Variants in FRMD4A observed in about 807,000 individuals in gnomAD.
FRMD4A encodes FERM domain-containing protein 4A.
FRMD4A carries 29 observed loss-of-function variants against 129.1 expected under a neutral mutation model. That is an observed-to-expected ratio of 0.22 (90% CI 0.17 to 0.31). The LOEUF (loss-of-function observed/expected upper bound fraction) is 0.31. Ranked by LOEUF, FRMD4A falls within the 10% of genes least tolerant of loss-of-function variation. The probability of loss-of-function intolerance (pLI) is 1.00; values close to 1 mark genes in which losing one functional copy is unlikely to be tolerated. For missense variants in FRMD4A, 1,272 were observed against 1,375.8 expected (o/e 0.92, Z 1.19); for synonymous variants, 634 against 571.6 (o/e 1.11, Z -1.56).
intron 5 of FRMD4A, among the ~76,000 whole-genome samples, chr10:13,785,204 G>A (rs74917817): frequency 0.014 from 2,071 of 152,216 alleles, 48 homozygotes; most frequent in African/African-American, 0.043. Context: ...TACAATTCAA[G>A]TTTTTTTGAA....
chr10:14,185,530 T>C (rs961157254), intron 2 of FRMD4A, among the ~76,000 whole-genome samples: 3 of 152,192 alleles, frequency 2.0e-5, no homozygotes, highest in African/African-American at 4.8e-5. Flanking sequence ...GTTGTAGAAC[T>C]ATGGAAACTT....
At chr10:14,300,845 C>A (rs1037031245) in intron 2 of FRMD4A, among the ~76,000 whole-genome samples, 3 of 152,148 alleles carry the variant, frequency 2.0e-5, no homozygotes, top group African/African-American at 7.2e-5. Flanking sequence ...GAGATCTCAC[C>A]TTTTCCCTTT....
intron 2 of FRMD4A, among the ~76,000 whole-genome samples, chr10:14,041,767 A>T (rs1480907306): frequency 6.6e-6 from 1 of 152,256 alleles, no homozygotes; most frequent in Admixed American, 6.5e-5. Context: ...GTTCAACAGC[A>T]TGGATCAATC....
chr10:13,788,516 TCTC>T (rs762329298), intron 5 of FRMD4A, among the ~76,000 whole-genome samples: 20 of 152,298 alleles, frequency 1.3e-4, no homozygotes, highest in Admixed American at 3.3e-4. Context: ...ATGTCTGTCC[TCTC>T]CTCATCTGCT....
At chr10:14,321,942 A>C (rs1843073641) in intron 2 of FRMD4A, among the ~76,000 whole-genome samples, 1 of 151,998 alleles carries the variant, frequency 6.6e-6, no homozygotes, top group Non-Finnish European at 1.5e-5. Context: ...AGTGTGTAGC[A>C]CTTCCCCCTT....
intron 2 of FRMD4A, among the ~76,000 whole-genome samples, chr10:13,943,255 C>T (rs188112445): frequency 6.2e-4 from 95 of 152,174 alleles, no homozygotes; most frequent in African/African-American, 2.1e-3. Flanking sequence ...CCACCAGCAA[C>T]GGTGCAGTGA....
At chr10:14,034,350 G>A (rs1012054525) in intron 2 of FRMD4A, among the ~76,000 whole-genome samples, 2 of 152,224 alleles carry the variant, frequency 1.3e-5, no homozygotes, top group African/African-American at 2.4e-5. Context: ...AGAGACGCAC[G>A]TCCCTGACTA....
At chr10:14,247,960 C>T (rs932333459) in intron 2 of FRMD4A, among the ~76,000 whole-genome samples, 5 of 152,170 alleles carry the variant, frequency 3.3e-5, no homozygotes, top group African/African-American at 1.2e-4. Flanking sequence ...ATGGCCAAAC[C>T]TCATCCTAAG....
chr10:14,039,752 T>C (rs1256166970), intron 2 of FRMD4A, among the ~76,000 whole-genome samples: 1 of 152,158 alleles, frequency 6.6e-6, no homozygotes, highest in Non-Finnish European at 1.5e-5. Context: ...TTGTCCTGGC[T>C]TTCTGGCCTG....
chr10:13,868,061 C>G (rs1325313322), intron 2 of FRMD4A, among the ~76,000 whole-genome samples: 1 of 150,054 alleles, frequency 6.7e-6, no homozygotes, highest in Non-Finnish European at 1.5e-5. Flanking sequence ...CGAGACCAGC[C>G]TGGGCAACAT....
intron 2 of FRMD4A, among the ~76,000 whole-genome samples, chr10:13,921,027 G>T (rs2095064714): frequency 6.6e-6 from 1 of 152,080 alleles, no homozygotes; most frequent in Non-Finnish European, 1.5e-5. Flanking sequence ...TACATAGACT[G>T]GGTTCTATTA....
At chr10:14,288,415 T>A (rs1462678053) in intron 2 of FRMD4A, among the ~76,000 whole-genome samples, 2 of 152,152 alleles carry the variant, frequency 1.3e-5, no homozygotes, top group Non-Finnish European at 2.9e-5. Flanking sequence ...TATGTGCAAC[T>A]GTACACTGGG....
intron 2 of FRMD4A, among the ~76,000 whole-genome samples, chr10:14,282,408 T>C (rs1037794525): frequency 1.3e-5 from 2 of 152,178 alleles, no homozygotes; most frequent in Admixed American, 1.3e-4. Flanking sequence ...TCATCTATCC[T>C]TCCAGAAGGC....
intron 15 of FRMD4A, among the ~76,000 whole-genome samples, chr10:13,677,744 TAGTAAC>T (rs2084126284): frequency 6.6e-6 from 1 of 152,240 alleles, no homozygotes; most frequent in African/African-American, 2.4e-5. Context: ...CTGGTTCTCT[TAGTAAC>T]AGTCACCAAT....
chr10:14,202,592 G>C (rs1028766721), intron 2 of FRMD4A, among the ~76,000 whole-genome samples: 2 of 151,860 alleles, frequency 1.3e-5, no homozygotes, highest in Non-Finnish European at 2.9e-5. Flanking sequence ...GTAGAGACGG[G>C]GTTTCACCAT....
chr10:13,748,790 T>C (rs2091423142), intron 8 of FRMD4A, among the ~76,000 whole-genome samples: 1 of 152,170 alleles, frequency 6.6e-6, no homozygotes, highest in African/African-American at 2.4e-5. Context: ...GATTTGAGGA[T>C]GCTCAACCAG....
chr10:14,046,343 T>C (rs1171709548), intron 2 of FRMD4A, among the ~76,000 whole-genome samples: 1 of 152,212 alleles, frequency 6.6e-6, no homozygotes, highest in Non-Finnish European at 1.5e-5. Context: ...ATATAAAACC[T>C]AGAGCTGAAA....
intron 6 of FRMD4A, among the ~76,000 whole-genome samples, chr10:13,769,604 C>T (rs925566770): frequency 2.0e-5 from 3 of 152,104 alleles, no homozygotes; most frequent in African/African-American, 7.2e-5. Context: ...GCCACTGTGT[C>T]CGGCCCCGAG....
chr10:14,181,373 C>T (rs10752335), intron 2 of FRMD4A, among the ~76,000 whole-genome samples: 75,177 of 151,946 alleles, frequency 0.49, 20,292 homozygotes, highest in Non-Finnish European at 0.6. Flanking sequence ...AGCCCCAGAT[C>T]GCTGCCCCGT....
Sources: gnomAD v4.1 joint callset for allele counts (sites outside exome capture counted in the v4.1 genomes callset) on GRCh38, gnomAD v4.1.1 for gene constraint, MANE v1.5 for transcripts, NCBI Gene and HGNC (gene_info 2026-07-23, HGNC 2026-07-21) for gene names.